MUC17: variants seen among roughly 807,000 people sequenced by gnomAD.
The protein encoded by MUC17 is mucin-17.
MUC17 carries 190 observed loss-of-function variants against 170.3 expected under a neutral mutation model. The ratio of observed to expected loss-of-function variants is 1.12; its 90% CI spans 0.99 to 1.26. The LOEUF is 1.26. MUC17 is among the 50% of genes most tolerant of loss of function. The probability of loss-of-function intolerance (pLI) is 0.00; values close to 1 mark genes in which losing one functional copy is unlikely to be tolerated. For synonymous variants in MUC17, 2,325 were observed against 2,002.5 expected (o/e 1.16, Z -4.30); for missense variants, 6,415 against 5,530.0 (o/e 1.16, Z -5.08).
intron 1 of MUC17, among the ~76,000 whole-genome samples, chr7:101,030,329 TCTC>T (rs999490013): frequency 2.6e-5 from 4 of 151,606 alleles, no homozygotes; most frequent in Non-Finnish European, 5.9e-5. Flanking sequence ...TTCAAGCAAT[TCTC>T]CTGCCTCTGG....
chr7:101,052,664 G>T (rs976010117), intron 9 of MUC17, among the ~76,000 whole-genome samples: 1 of 152,108 alleles, frequency 6.6e-6, no homozygotes, highest in African/African-American at 2.4e-5. Context: ...TTAATGGGTG[G>T]ATGCAAGATC....
At chr7:101,053,809 G>A (rs1794999476) in intron 11 of MUC17, among the ~76,000 whole-genome samples, 1 of 151,500 alleles carries the variant, frequency 6.6e-6, no homozygotes, top group Non-Finnish European at 1.5e-5. Flanking sequence ...GAACCCGGGA[G>A]GCAGAGGTTG....
Position 101,042,871 on chromosome 7 carries a change from G to C in MUC17, c.11455G>C (p.Val3819Leu), listed in dbSNP as rs114650986. The C allele has an allele frequency of 1.9e-6, 3 of 1,614,018 alleles. No individual in the cohort carries two copies. Among genetic ancestry groups the C allele is most frequent in the African/African-American group, 2.7e-5 (2 of 74,978 alleles). Residue 3819 changes from valine (V) to leucine (L), a missense_variant, in exon 3 of 13, where the codon GTC becomes CTC. Val to Leu is a conservative substitution (Grantham distance 32). Transcript: ENST00000306151. ...TSERSTLLTTVLISPISVMSP... is the reference protein window; with the variant it reads ...TSERSTLLTTLLISPISVMSP... ...TGAAAGAAGCACTTTATTGACAACT[G>C]TCCTCATCAGCCCTATATCTGTGAT...
chr7:101,042,154 A>G lies in MUC17; in HGVS notation c.10738A>G (p.Thr3580Ala). ...TPSEGSSSLTTMLLSSTYVTS... is the reference protein window; with the variant it reads ...TPSEGSSSLTAMLLSSTYVTS... ...AAGTGAAGGAAGCTCTTCATTAACA[A>G]CTATGCTCCTCAGCAGCACATATGT... Residue 3580 changes from threonine (T) to alanine (A), a missense_variant, in exon 3 of 13, where the codon ACT becomes GCT. Thr to Ala is a moderately conservative substitution (Grantham distance 58). Transcript: ENST00000306151. The G allele has an allele frequency of 6.2e-7, 1 of 1,614,164 alleles. No homozygotes were observed. The highest frequency in any genetic ancestry group is 1.1e-5 in the South Asian group (1 of 91,088).
At position 101,040,873 on chromosome 7, in the gene MUC17, A is replaced by G; in HGVS notation, c.9457A>G (p.Ser3153Gly). Residue 3153 changes from serine (S) to glycine (G), a missense_variant, in exon 3 of 13, where the codon AGC becomes GGC. Ser to Gly is a moderately conservative substitution (Grantham distance 56, BLOSUM62 0). Transcript: ENST00000306151. ...HSSPTTSEGT[S>G]MPTSTPSEGS... Reference sequence around the variant, plus strand: ...ATCTCCTACAACTTCTGAAGGTACCAGCATGCCAACCTCAACTCCTAGTGA... The same window carrying G: ...ATCTCCTACAACTTCTGAAGGTACCGGCATGCCAACCTCAACTCCTAGTGA... 1 of 1,613,518 alleles carries G rather than the reference A, an allele frequency of 6.2e-7. No individual in the cohort carries two copies. The highest frequency in any genetic ancestry group is 8.5e-7 in the Non-Finnish European group (1 of 1,179,876).
chr7:101,051,686 G>A lies in MUC17; in HGVS notation c.12943+5G>A, dbSNP rs1016199894. The A allele has an allele frequency of 5.0e-6, 8 of 1,611,304 alleles. No homozygotes were observed. Among genetic ancestry groups the A allele is most frequent in the Non-Finnish European group, 5.9e-6 (7 of 1,179,144 alleles). ...TGACCCAGTACGACCCTGAAGGTAG[G>A]TGATAACACAAGGGGTTTGGGGGAA... On this transcript the variant is annotated splice_donor_5th_base_variant and intron_variant, in intron 8 of 12. Transcript: ENST00000306151.
chr7:101,035,552 C>T lies in MUC17; in HGVS notation c.4136C>T (p.Thr1379Ile), dbSNP rs1794445565. ...TCTACTGAAGCCTGTTCATCTCCTA[C>T]AACTTCTGAAGGTACCAGCATGCCA... ...TTSTEACSSP[T>I]TSEGTSMPNS... The change falls in exon 3 of 13, where the codon ACA (threonine) becomes ATA (isoleucine). Residue 1379 changes from threonine to isoleucine, a missense_variant. Transcript: ENST00000306151. 4 of 1,596,624 alleles carry T rather than the reference C, an allele frequency of 2.5e-6. No individual in the cohort carries two copies. Among genetic ancestry groups the T allele is most frequent in the Non-Finnish European group, 3.4e-6 (4 of 1,169,506 alleles).
rs778606503 is a variant in MUC17, at chr7:101,033,114, T to G, written c.1698T>G (p.Ser566Arg). 3 of 1,611,972 alleles carry G rather than the reference T, an allele frequency of 1.9e-6. No individual in the cohort carries two copies. Among genetic ancestry groups the G allele is most frequent in the Non-Finnish European group, 2.5e-6 (3 of 1,178,734 alleles). ...EGTSIPTSTP[S>R]EGSTPLTNMP... is the part of the protein sequence containing the mutation. ...CCAGCATACCAACCTCAACTCCTAGTGAAGGAAGCACTCCATTAACAAACA... is the reference window on the plus strand; with the variant it reads ...CCAGCATACCAACCTCAACTCCTAGGGAAGGAAGCACTCCATTAACAAACA... Residue 566 changes from serine to arginine, a missense_variant, in exon 3 of 13, where the codon AGT becomes AGG. By Grantham distance (110) the Ser-to-Arg change is moderately radical (BLOSUM62 -1). Coordinates refer to ENST00000306151, the MANE Select transcript of MUC17 (RefSeq NM_001040105.2).
In MUC17 at chr7:101,035,569, A is replaced by G; in HGVS notation, c.4153A>G (p.Ser1385Gly). Residue 1385 changes from serine to glycine, a missense_variant, in exon 3 of 13, where the codon AGC (serine) becomes GGC (glycine). Coordinates refer to ENST00000306151, the MANE Select transcript of MUC17 (RefSeq NM_001040105.2). ...CSSPTTSEGT[S>G]MPNSNPSEGT... ...ATCTCCTACAACTTCTGAAGGTACCAGCATGCCAAACTCAAATCCTAGTGA... is the reference window on the plus strand; with the variant it reads ...ATCTCCTACAACTTCTGAAGGTACCGGCATGCCAAACTCAAATCCTAGTGA... The G allele has an allele frequency of 6.2e-7, 1 of 1,602,454 alleles. No homozygotes were observed.
Position 101,031,160 on chromosome 7 carries a change from C to T in MUC17, c.123C>T (p.Cys41=). 1 of 1,613,736 alleles carries T rather than the reference C, an allele frequency of 6.2e-7. No individual in the cohort carries two copies. Among genetic ancestry groups the T allele is most frequent in the Non-Finnish European group, 8.5e-7 (1 of 1,179,818 alleles). The change falls in exon 2 of 13, where the codon TGC becomes TGT. Residue 41 remains cysteine, a synonymous_variant. Coordinates refer to ENST00000306151, the MANE Select transcript of MUC17 (RefSeq NM_001040105.2). ...VNRAVWDGGG[C]ISQGDVLNRQ... ...GGGCTGTGTGGGATGGAGGAGGGTG[C>T]ATCTCCCAAGGGGACGTCTTGAACC...
At position 101,038,897 on chromosome 7, in the gene MUC17, G is replaced by T. The variant is rs1794585846; in HGVS notation, c.7481G>T (p.Ser2494Ile). 2 of 1,613,940 alleles carry T rather than the reference G, an allele frequency of 1.2e-6. No individual in the cohort carries two copies. Among genetic ancestry groups the T allele is most frequent in the African/African-American group, 2.7e-5 (2 of 74,876 alleles). ...STPMTTSTEA[S>I]SSPTTAEDIV... ...CCTATGACCACTTCTACTGAAGCCA[G>T]TTCATCTCCTACAACTGCTGAAGAT... Residue 2494 changes from serine (S) to isoleucine (I), a missense_variant, in exon 3 of 13, where the codon AGT (serine) becomes ATT (isoleucine). Physicochemically the swap from Ser to Ile is moderately radical, Grantham distance 142. Transcript: ENST00000306151.
intron 1 of MUC17, among the ~76,000 whole-genome samples, chr7:101,020,676 G>A (rs985808659): frequency 3.3e-5 from 5 of 152,158 alleles, no homozygotes; most frequent in African/African-American, 7.2e-5. Flanking sequence ...GAATGTTTCC[G>A]GGACATAGCC....
chr7:101,045,623 C>A (rs895560758), intron 3 of MUC17, among the ~76,000 whole-genome samples: 1 of 152,166 alleles, frequency 6.6e-6, no homozygotes, highest in Non-Finnish European at 1.5e-5. Context: ...GAACTCCTGT[C>A]CTCAGGTGAT....
chr7:101,045,521 G>A (rs1465411037), intron 3 of MUC17, among the ~76,000 whole-genome samples: 2 of 151,884 alleles, frequency 1.3e-5, no homozygotes, highest in Non-Finnish European at 2.9e-5. Context: ...AACCTCCCAA[G>A]TAGCTGGGAT....
intron 5 of MUC17, 149 bp downstream of exon 5, chr7:101,049,121 G>A: frequency 7.0e-7 from 1 of 1,423,128 alleles, no homozygotes; most frequent in Non-Finnish European, 9.7e-7. Flanking sequence ...CAGTGCAGGA[G>A]GGAAGAGATG....
chr7:101,048,117 T>A lies in MUC17; in HGVS notation c.12535+2T>A. ...AGGTGGTCAGCAGCATTGACATAGG[T>A]GAGTGCAACCCCAGGCCTTCCCCCA... On this transcript the variant is annotated splice_donor_variant, in intron 4 of 12. Transcript: ENST00000306151. LOFTEE classifies it high-confidence loss of function. 6.3e-7 allele frequency: 1 copy of A among 1,587,828 alleles called. No homozygotes were observed. Among genetic ancestry groups the A allele is most frequent in the Non-Finnish European group, 8.6e-7 (1 of 1,168,002 alleles).
Position 101,041,985 on chromosome 7 carries a change from T to A in MUC17, c.10569T>A (p.Pro3523=). ...GEGSTPLTNM[P]VSTTPVASSE... ...GAAGCACTCCATTAACAAATATGCC[T>A]GTCAGCACCACACCGGTGGCCAGTT... The change falls in exon 3 of 13, where the codon CCT becomes CCA. Residue 3523 remains proline, a synonymous_variant. Transcript: ENST00000306151. 2 of 1,613,664 alleles carry A rather than the reference T, an allele frequency of 1.2e-6. No homozygotes were observed. The highest frequency in any genetic ancestry group is 1.7e-6 in the Non-Finnish European group (2 of 1,179,660).
In MUC17 at chr7:101,035,580, C is replaced by T. The variant is rs1473572414; in HGVS notation, c.4164C>T (p.Asn1388=). Residue 1388 remains asparagine (N), a synonymous_variant, in exon 3 of 13, where the codon AAC becomes AAT. Coordinates refer to ENST00000306151, the MANE Select transcript of MUC17 (RefSeq NM_001040105.2). ...PTTSEGTSMP[N]SNPSEGTTPL... is the part of the protein sequence containing the mutation. ...CTTCTGAAGGTACCAGCATGCCAAA[C>T]TCAAATCCTAGTGAAGGAACCACTC... 8 of 1,613,536 alleles carry T rather than the reference C, an allele frequency of 5.0e-6. No homozygotes were observed. Among genetic ancestry groups the T allele is most frequent in the East Asian group, 4.5e-5 (2 of 44,858 alleles).
intron 4 of MUC17, 80 bp from the exon 5 acceptor site, chr7:101,048,765 C>T: frequency 6.5e-7 from 1 of 1,535,562 alleles, no homozygotes; most frequent in Non-Finnish European, 8.9e-7. Context: ...ATGGAGCTCA[C>T]TCCCTCCACC....
Sources: gnomAD v4.1 joint callset for allele counts (sites outside exome capture counted in the v4.1 genomes callset) on GRCh38, gnomAD v4.1.1 for gene constraint, MANE v1.5 for transcripts, NCBI Gene and HGNC (gene_info 2026-07-23, HGNC 2026-07-21) for gene names.